The following RHBDD2 variants were observed in gnomAD, a reference collection of about 807,000 sequenced individuals.
RHBDD2 encodes the protein rhomboid domain-containing protein 2.
RHBDD2 carries 13 observed loss-of-function variants against 21.7 expected under a neutral mutation model. The ratio of observed to expected loss-of-function variants is 0.60; its 90% CI spans 0.39 to 0.95. The LOEUF is 0.95. Ranked by LOEUF, RHBDD2 falls within the 40% of genes least tolerant of loss-of-function variation. The pLI is 0.00. For missense variants in RHBDD2, 473 were observed against 478.9 expected (o/e 0.99, Z 0.11); for synonymous variants, 225 against 220.0 (o/e 1.02, Z -0.20).
intron 3 of RHBDD2, among the ~76,000 whole-genome samples, chr7:75,885,477 G>T (rs1409658300): frequency 6.6e-6 from 1 of 152,148 alleles, no homozygotes; most frequent in East Asian, 1.9e-4. Flanking sequence ...AGACCTCACA[G>T]TGTAGGATTT....
Position 75,879,140 on chromosome 7 carries a change from G to A in RHBDD2, c.58G>A (p.Ala20Thr). The A allele has an allele frequency of 6.9e-7, 1 of 1,449,874 alleles. No homozygotes were observed. Among genetic ancestry groups the A allele is most frequent in the South Asian group, 1.3e-5 (1 of 75,086 alleles). 89.8% of individuals were successfully genotyped at this position (1,449,874 alleles called of 1,614,324 possible). A position where few individuals can be genotyped will look rare whatever the true frequency, so the allele number is the denominator to read the frequency against. ...SWCLCPEVPS[A>T]TFFTALLSLL... is the part of the protein sequence containing the mutation. ...GTGCTTGTGTCCCGAGGTGCCATCC[G>A]CCACCTTCTTCACTGCGCTGCTCTC... The change falls in exon 1 of 4, where the codon GCC (alanine) becomes ACC (threonine). Residue 20 changes from alanine to threonine, a missense_variant. Ala to Thr is a moderately conservative substitution (Grantham distance 58). Transcript: ENST00000006777.
At position 75,883,897 on chromosome 7, in the gene RHBDD2, A is replaced by T. The variant is rs76219725; in HGVS notation, c.737+49A>T. 2.1e-3 allele frequency: 3,143 copies of T among 1,493,492 alleles called. 50 individuals are homozygous for T. In the African/African-American group the frequency reaches 0.038, roughly 18 times the overall value. 92.5% of individuals were successfully genotyped at this position (1,493,492 alleles called of 1,614,324 possible). On this transcript the variant is annotated intron_variant, in intron 3 of 3. Coordinates refer to ENST00000006777, the MANE Select transcript of RHBDD2 (RefSeq NM_001040456.3). The stretch of plus-strand genomic sequence containing the variant: ...CTGTTAAATCTTTTTTAAAAAAAAA[A>T]TTATTTTTTTTTTTTGAGACGGAGT...
chr7:75,883,897 A>AG, intron 3 of RHBDD2, 49 bp downstream of exon 3: 2 of 1,493,558 alleles, frequency 1.3e-6, no homozygotes, highest in South Asian at 2.5e-5. Flanking sequence ...TAAAAAAAAA[A>AG]TTATTTTTTT....
At chr7:75,885,802 A>G (rs553323329) in intron 3 of RHBDD2, among the ~76,000 whole-genome samples, 2 of 152,196 alleles carry the variant, frequency 1.3e-5, no homozygotes, top group South Asian at 2.1e-4. Context: ...CACTCACGCA[A>G]GGTCTGCCCC....
In RHBDD2 at chr7:75,881,810, A is replaced by G; in HGVS notation, c.179-19A>G. On this transcript the variant is annotated intron_variant, in intron 1 of 3. Coordinates refer to ENST00000006777, the MANE Select transcript of RHBDD2 (RefSeq NM_001040456.3). ...GGGAGCAACCCGCCGCCAGGCCTCT[A>G]ACCCGACTCCCTCTGCAGTTTACAG... The G allele has an allele frequency of 6.3e-7, 1 of 1,577,980 alleles. No individual in the cohort carries two copies. The highest frequency in any genetic ancestry group is 8.6e-7 in the Non-Finnish European group (1 of 1,158,980).
chr7:75,887,208 A>T (rs1469712554), intron 3 of RHBDD2, among the ~76,000 whole-genome samples: 1 of 144,724 alleles, frequency 6.9e-6, no homozygotes, highest in Non-Finnish European at 1.5e-5. Context: ...CACAGTCATA[A>T]CTCACTGCAG....
intron 3 of RHBDD2, among the ~76,000 whole-genome samples, chr7:75,886,792 C>A (rs1291599269): frequency 9.0e-5 from 13 of 144,914 alleles, no homozygotes; most frequent in African/African-American, 3.4e-4. Context: ...CCAGCCTGGG[C>A]AAAAGAGCGA....
intron 1 of RHBDD2, 94 bp from the exon 2 acceptor site, chr7:75,881,735 A>AG (rs1183717800): frequency 7.1e-6 from 9 of 1,274,510 alleles, no homozygotes; most frequent in Admixed American, 6.8e-5. Context: ...TCTGTCACGG[A>AG]GGGGGGCTCT....
chr7:75,888,450 T>C lies in RHBDD2; in HGVS notation c.*101T>C. 1 of 941,386 alleles carries C rather than the reference T, an allele frequency of 1.1e-6. No homozygotes were observed. Among genetic ancestry groups the C allele is most frequent in the Non-Finnish European group, 1.6e-6 (1 of 611,714 alleles). The allele number at this position is 941,386 out of a possible 1,614,324, so 58.3% of individuals were successfully genotyped here. ...TTGAACACCTCTATGTGCCAGGCTC[T>C]GTGTTGGGTACTTTGATCAATGCCC... On this transcript the variant is annotated 3_prime_UTR_variant, in exon 4 of 4. Coordinates refer to ENST00000006777, the MANE Select transcript of RHBDD2 (RefSeq NM_001040456.3).
Position 75,888,390 on chromosome 7 carries a change from G to C in RHBDD2, c.*41G>C, listed in dbSNP as rs1554544588. 6.6e-7 allele frequency: 1 copy of C among 1,522,158 alleles called. No individual in the cohort carries two copies. The highest frequency in any genetic ancestry group is 1.4e-5 in the African/African-American group (1 of 73,254). 94.3% of individuals were successfully genotyped at this position (1,522,158 alleles called of 1,614,324 possible). A position where few individuals can be genotyped will look rare whatever the true frequency, so the allele number is the denominator to read the frequency against. ...AGTCATCTCACTTGGCCTTCTGAAG[G>C]TCCTCCCTAAGAGTCTCCTGACAAA... On this transcript the variant is annotated 3_prime_UTR_variant, in exon 4 of 4. Coordinates refer to ENST00000006777, the MANE Select transcript of RHBDD2 (RefSeq NM_001040456.3).
chr7:75,882,160 C>G lies in RHBDD2; in HGVS notation c.510C>G (p.Leu170=), dbSNP rs916590734. The change falls in exon 2 of 4, where the codon CTC becomes CTG. Residue 170 remains leucine (L), a synonymous_variant. Transcript: ENST00000006777. ...TGCCCTCAGTCCTGGTTCCGTGGCTCCTGCTGGGTGCCTCGTGGCTCATTC... is the reference window on the plus strand; with the variant it reads ...TGCCCTCAGTCCTGGTTCCGTGGCTGCTGCTGGGTGCCTCGTGGCTCATTC... ...MVVPSVLVPW[L]LLGASWLIPQ... is the part of the protein sequence containing the mutation. 2 of 1,614,148 alleles carry G rather than the reference C, an allele frequency of 1.2e-6. No homozygotes were observed. Among genetic ancestry groups the G allele is most frequent in the Non-Finnish European group, 1.7e-6 (2 of 1,180,024 alleles).
chr7:75,888,499 A>T lies in RHBDD2; in HGVS notation c.*150A>T. 4.5e-6 allele frequency: 3 copies of T among 665,058 alleles called. No individual in the cohort carries two copies. The highest frequency in any genetic ancestry group is 7.8e-6 in the Non-Finnish European group (3 of 386,352). 41.2% of individuals were successfully genotyped at this position (665,058 alleles called of 1,614,324 possible). A position where few individuals can be genotyped will look rare whatever the true frequency, so the allele number is the denominator to read the frequency against. On this transcript the variant is annotated 3_prime_UTR_variant, in exon 4 of 4. Transcript: ENST00000006777. ...CCCTGTTTCAGTCTCATCTGTACTC[A>T]CGGCAGCCCTGTGGAGTACGGTGTA...
In RHBDD2 at chr7:75,883,724, G is replaced by T; in HGVS notation, c.613G>T (p.Asp205Tyr). ...AYGLTYCYSI[D>Y]LSERVALKLD... The stretch of plus-strand genomic sequence containing the variant: ...TGGCCTCACCTACTGCTATTCCATC[G>T]ACCTCTCAGAGCGAGTGGCACTGAA... Residue 205 changes from aspartate to tyrosine, a missense_variant, in exon 3 of 4, where the codon GAC becomes TAC. Physicochemically the swap from Asp to Tyr is radical, Grantham distance 160. Coordinates refer to ENST00000006777, the MANE Select transcript of RHBDD2 (RefSeq NM_001040456.3). The T allele has an allele frequency of 2.5e-6, 4 of 1,613,278 alleles. No individual in the cohort carries two copies. The highest frequency in any genetic ancestry group is 3.4e-6 in the Non-Finnish European group (4 of 1,179,760).
chr7:75,879,369 C>G, intron 1 of RHBDD2, 109 bp downstream of exon 1: 1 of 1,078,418 alleles, frequency 9.3e-7, no homozygotes, highest in East Asian at 3.2e-5. Context: ...CCGCCAGTCT[C>G]CCCCTGTCTC....
In RHBDD2 at chr7:75,887,037, A is replaced by G. The variant is rs185250399; in HGVS notation, c.738-955A>G. 4.6e-5 allele frequency among the ~76,000 whole-genome samples: 7 copies of G among 152,086 alleles called. No homozygotes were observed. The East Asian group carries it at 9.7e-4, about 21-fold the overall frequency. On this transcript the variant is annotated intron_variant, in intron 3 of 3. Coordinates refer to ENST00000006777, the MANE Select transcript of RHBDD2 (RefSeq NM_001040456.3). ...AATATTGTGTTTCAGGCAGCCTGAC[A>G]GTGGGTCCAGGGCCATGTCATGACA... is the stretch of plus-strand genomic sequence containing the variant.
chr7:75,882,166 G>T lies in RHBDD2; in HGVS notation c.516G>T (p.Leu172=). The change falls in exon 2 of 4, where the codon CTG becomes CTT. Residue 172 remains leucine, a synonymous_variant. Transcript: ENST00000006777. The part of the protein sequence containing the change: ...VPSVLVPWLL[L]GASWLIPQTS... ...CAGTCCTGGTTCCGTGGCTCCTGCT[G>T]GGTGCCTCGTGGCTCATTCCCCAGA... 6.2e-7 allele frequency: 1 copy of T among 1,614,110 alleles called. No homozygotes were observed. Among genetic ancestry groups the T allele is most frequent in the Non-Finnish European group, 8.5e-7 (1 of 1,179,998 alleles).
chr7:75,886,447 G>A (rs1337420354), intron 3 of RHBDD2, among the ~76,000 whole-genome samples: 1 of 152,130 alleles, frequency 6.6e-6, no homozygotes, highest in African/African-American at 2.4e-5. Flanking sequence ...CTCTGTAATA[G>A]CTGATGGTGG....
chr7:75,883,020 G>A (rs1444245087), intron 2 of RHBDD2, among the ~76,000 whole-genome samples: 2 of 152,098 alleles, frequency 1.3e-5, no homozygotes, highest in Non-Finnish European at 2.9e-5. Flanking sequence ...TGAGATAAAA[G>A]GACGAGGTGT....
Position 75,879,161 on chromosome 7 carries a change from C to T in RHBDD2, c.79C>T (p.Leu27Phe). The T allele has an allele frequency of 6.6e-7, 1 of 1,504,052 alleles. No individual in the cohort carries two copies. 93.2% of individuals were successfully genotyped at this position (1,504,052 alleles called of 1,614,324 possible). ...VPSATFFTAL[L>F]SLLVSGPRLF... ...ATCCGCCACCTTCTTCACTGCGCTG[C>T]TCTCGCTGCTGGTTTCCGGGCCTCG... Residue 27 changes from leucine to phenylalanine, a missense_variant, in exon 1 of 4, where the codon CTC becomes TTC. Leu to Phe is a conservative substitution (Grantham distance 22, BLOSUM62 0). Coordinates refer to ENST00000006777, the MANE Select transcript of RHBDD2 (RefSeq NM_001040456.3).
Sources: allele counts gnomAD v4.1 joint callset (sites outside exome capture counted in the v4.1 genomes callset), GRCh38; gene constraint gnomAD v4.1.1; transcripts MANE v1.5; gene names NCBI Gene and HGNC (gene_info 2026-07-23, HGNC 2026-07-21).